The following MTSS1 variants were observed in gnomAD, a reference collection of about 807,000 sequenced individuals.
MTSS1 encodes the protein MTSS I-BAR domain containing 1.
In MTSS1, 18 loss-of-function variants were observed where a neutral mutation model predicts 79.0. That is an observed-to-expected ratio of 0.23 (90% CI 0.16 to 0.34). The LOEUF (loss-of-function observed/expected upper bound fraction) is 0.34. Ranked by LOEUF, MTSS1 falls within the 10% of genes least tolerant of loss-of-function variation. MTSS1 has a pLI of 1.00. For missense variants in MTSS1, 815 were observed against 986.2 expected, an observed-to-expected ratio of 0.83 and a Z score of 2.33; for synonymous variants, 341 against 368.6, an observed-to-expected ratio of 0.93 and a Z score of 0.86.
chr8:124,601,900 C>T (rs1199745820), intron 3 of MTSS1, among the ~76,000 whole-genome samples: 2 of 152,012 alleles, frequency 1.3e-5, no homozygotes, highest in Non-Finnish European at 2.9e-5. Context: ...GGTGAAGTGA[C>T]AGAACACAGT....
intron 3 of MTSS1, among the ~76,000 whole-genome samples, chr8:124,666,701 G>C (rs1400919260): frequency 6.6e-6 from 1 of 152,202 alleles, no homozygotes; most frequent in Non-Finnish European, 1.5e-5. Flanking sequence ...GTTGGTCATG[G>C]GATAGGGAGG....
intron 10 of MTSS1, chr8:124,558,890 A>G (rs1196117711): frequency 2.7e-6 from 4 of 1,483,566 alleles, no homozygotes; most frequent in African/African-American, 1.4e-5. Context: ...ACACACCACC[A>G]AAATATAATA....
At chr8:124,564,691 T>TCACACACAGA (rs1554639394) in intron 9 of MTSS1, 2 of 144,306 alleles carry the variant, frequency 1.4e-5, no homozygotes, top group African/African-American at 2.5e-5. Context: ...TCTCTTTCAC[T>TCACACACAGA]CACACACACA....
chr8:124,559,291 G>A (rs773644270), intron 10 of MTSS1, among the ~76,000 whole-genome samples: 1 of 152,196 alleles, frequency 6.6e-6, no homozygotes, highest in Non-Finnish European at 1.5e-5. Flanking sequence ...GCATGAGGGC[G>A]GACCCCAGCT....
intron 3 of MTSS1, among the ~76,000 whole-genome samples, chr8:124,612,495 C>G (rs950028794): frequency 3.3e-5 from 5 of 151,634 alleles, no homozygotes; most frequent in African/African-American, 1.2e-4. Context: ...TGAAACTGAC[C>G]TTTCAGGTAG....
At chr8:124,555,666 A>G in intron 13 of MTSS1, 76 bp downstream of exon 13, 2 of 1,447,074 alleles carry the variant, frequency 1.4e-6, no homozygotes, top group Non-Finnish European at 1.8e-6. Flanking sequence ...TGTGGTTAAA[A>G]TGGACCAGCA....
rs1222883372 is a variant in MTSS1 at position 124,552,190 on chromosome 8, G to T, written c.*802C>A. ...AGAGGCAGCAGCATGCATGGGGCTGGTTGTGGGTGCTGTGTGCAGTCCAGA... is the reference window on the plus strand; with the variant it reads ...AGAGGCAGCAGCATGCATGGGGCTGTTTGTGGGTGCTGTGTGCAGTCCAGA... On this transcript the variant is annotated 3_prime_UTR_variant, in exon 14 of 14. Transcript: ENST00000518547. 2 of 152,742 alleles carry T rather than the reference G, an allele frequency of 1.3e-5. No homozygotes were observed. Among genetic ancestry groups the T allele is most frequent in the Non-Finnish European group, 2.9e-5 (2 of 68,088 alleles). The allele number at this position is 152,742 out of a possible 1,614,324, so 9.5% of individuals were successfully genotyped here.
intron 3 of MTSS1, among the ~76,000 whole-genome samples, chr8:124,638,075 G>A (rs1014769439): frequency 6.6e-6 from 1 of 152,136 alleles, no homozygotes; most frequent in African/African-American, 2.4e-5. Flanking sequence ...TCCCCTATGG[G>A]GTCTCTTTCT....
rs542261725 is a variant in MTSS1, at chr8:124,597,479, C to T, written c.209-6244G>A. On this transcript the variant is annotated intron_variant, in intron 3 of 13. Coordinates refer to ENST00000518547, the MANE Select transcript of MTSS1 (RefSeq NM_014751.6). This position sits in a 1 kb window ranked among gnomAD's most constrained non-coding sequence, Gnocchi z 4.6. Reference sequence around the variant, plus strand: ...AATAAGAAAAGCAAAGTTTCCTTGCCCCCTAAAGTCCGAAGTCAGATTGCC... The same window carrying T: ...AATAAGAAAAGCAAAGTTTCCTTGCTCCCTAAAGTCCGAAGTCAGATTGCC... 1.1e-4 allele frequency among the ~76,000 whole-genome samples: 17 copies of T among 152,268 alleles called. No individual in the cohort carries two copies. The South Asian group carries it at 3.3e-3, about 30-fold the overall frequency.
rs190107612 is a variant in MTSS1 at position 124,582,297 on chromosome 8, A to C, written c.460+2790T>G. Among the ~76,000 whole-genome samples, 67 of 152,266 alleles carry C rather than the reference A, an allele frequency of 4.4e-4. No homozygotes were observed. Among genetic ancestry groups the C allele is most frequent in the African/African-American group, 1.4e-3 (60 of 41,560 alleles). On this transcript the variant is annotated intron_variant, in intron 6 of 13. Transcript: ENST00000518547. The surrounding 1 kb of genome is among the most constrained non-coding windows in gnomAD (Gnocchi z 4.8). ...AGTTTCTTGAAGGAAATATTTAAACACCTTTAGATTACAAACCACCTCTCT... is the reference window on the plus strand; with the variant it reads ...AGTTTCTTGAAGGAAATATTTAAACCCCTTTAGATTACAAACCACCTCTCT...
chr8:124,620,238 G>A (rs568901464), intron 3 of MTSS1, among the ~76,000 whole-genome samples: 1 of 152,096 alleles, frequency 6.6e-6, no homozygotes, highest in Non-Finnish European at 1.5e-5. Flanking sequence ...GAGCCACTGC[G>A]CCCAGCCAGC....
Position 124,564,047 on chromosome 8 carries a change from C to A in MTSS1, c.825-1055G>T, listed in dbSNP as rs1023735911. ...TTGGGAGGCCAAGGCAGGAGAATCA[C>A]TTGAACCCAGGAGGCAGAAGTTGCA... is the stretch of plus-strand genomic sequence containing the variant. On this transcript the variant is annotated intron_variant, in intron 9 of 13. Coordinates refer to ENST00000518547, the MANE Select transcript of MTSS1 (RefSeq NM_014751.6). 8.8e-4 allele frequency among the ~76,000 whole-genome samples: 131 copies of A among 149,004 alleles called. 2 individuals carry two copies. Among genetic ancestry groups the A allele is most frequent in the Non-Finnish European group, 1.4e-3 (98 of 67,766 alleles).
intron 1 of MTSS1, among the ~76,000 whole-genome samples, chr8:124,714,430 G>T (rs1317909490): frequency 6.6e-6 from 1 of 152,096 alleles, no homozygotes; most frequent in East Asian, 1.9e-4. Context: ...CCTAAGCAAT[G>T]GTTAATTGCT....
Position 124,567,158 on chromosome 8 carries a change from T to G in MTSS1, c.639A>C (p.Leu213=). ...RPVIEEEISM[L]GEITHLQTIS... is the part of the protein sequence containing the mutation. ...TGGTCTGAAGGTGGGTTATTTCCCC[T>G]AGCATTGAGATTTCTTCTTCCTGAA... The change falls in exon 8 of 14, where the codon CTA becomes CTC. Residue 213 remains leucine (L), a synonymous_variant. Coordinates refer to ENST00000518547, the MANE Select transcript of MTSS1 (RefSeq NM_014751.6). The G allele has an allele frequency of 6.2e-7, 1 of 1,613,310 alleles. No homozygotes were observed. Among genetic ancestry groups the G allele is most frequent in the South Asian group, 1.1e-5 (1 of 91,070 alleles).
intron 2 of MTSS1, among the ~76,000 whole-genome samples, chr8:124,703,222 T>C (rs957063187): frequency 3.9e-5 from 6 of 152,210 alleles, no homozygotes; most frequent in Admixed American, 1.3e-4. Flanking sequence ...TCTCTAAAGA[T>C]ATGCTTTTGC....
Position 124,585,804 on chromosome 8 carries a change from C to T in MTSS1, c.386-643G>A, listed in dbSNP as rs533603699. Among the ~76,000 whole-genome samples the T allele has an allele frequency of 1.4e-4, 22 of 152,096 alleles. No individual in the cohort carries two copies. In the South Asian group the frequency reaches 4.4e-3, roughly 30 times the overall value. On this transcript the variant is annotated intron_variant, in intron 5 of 13. Transcript: ENST00000518547. ...TTATCTACTTTCCCCGGGCCCAAAT[C>T]CACAGTGTTTTGCAAAAACAAAAAA...
chr8:124,557,674 C>G lies in MTSS1; in HGVS notation c.1230+7G>C. 2 of 1,566,390 alleles carry G rather than the reference C, an allele frequency of 1.3e-6. No individual in the cohort carries two copies. Among genetic ancestry groups the G allele is most frequent in the African/African-American group, 1.4e-5 (1 of 73,602 alleles). On this transcript the variant is annotated splice_region_variant and intron_variant, in intron 11 of 13. Coordinates refer to ENST00000518547, the MANE Select transcript of MTSS1 (RefSeq NM_014751.6). The stretch of plus-strand genomic sequence containing the variant: ...ACGGGGAGAGGAGGAGGGGGAGAGA[C>G]ACAAACCTTCCAGCTAGGGATCTGA...
At chr8:124,563,959 C>T (rs993998966) in intron 9 of MTSS1, among the ~76,000 whole-genome samples, 4 of 151,980 alleles carry the variant, frequency 2.6e-5, no homozygotes, top group African/African-American at 7.2e-5. Context: ...GGTGAAACCC[C>T]GCCTCTGATA....
Position 124,582,405 on chromosome 8 carries a change from C to A in MTSS1, c.460+2682G>T, listed in dbSNP as rs1400553408. 1.3e-5 allele frequency among the ~76,000 whole-genome samples: 2 copies of A among 152,166 alleles called. No homozygotes were observed. Among genetic ancestry groups the A allele is most frequent in the Non-Finnish European group, 2.9e-5 (2 of 68,030 alleles). ...GAAAGTGAGCCGCTCACAAAAATCA[C>A]ATCCGTGTGTGTCTGCCCACGTCAA... is the stretch of plus-strand genomic sequence containing the variant. On this transcript the variant is annotated intron_variant, in intron 6 of 13. Coordinates refer to ENST00000518547, the MANE Select transcript of MTSS1 (RefSeq NM_014751.6). This position sits in a 1 kb window ranked among gnomAD's most constrained non-coding sequence, Gnocchi z 4.8.
Sources: allele counts gnomAD v4.1 joint callset (sites outside exome capture counted in the v4.1 genomes callset), GRCh38; gene constraint gnomAD v4.1.1; non-coding constraint Gnocchi (gnomAD v3.1); transcripts MANE v1.5; gene names NCBI Gene and HGNC (gene_info 2026-07-23, HGNC 2026-07-21).